The following PGM5 variants were observed in gnomAD, a reference collection of about 807,000 sequenced individuals.
PGM5 encodes phosphoglucomutase 5, also known as phosphoglucomutase-like protein 5.
PGM5 carries 23 observed loss-of-function variants against 59.2 expected under a neutral mutation model. The ratio of observed to expected loss-of-function variants is 0.39; its 90% CI spans 0.28 to 0.55. The LOEUF (loss-of-function observed/expected upper bound fraction) is 0.55. Ranked by LOEUF, PGM5 falls within the 20% of genes least tolerant of loss-of-function variation. The pLI is 0.66. For synonymous variants in PGM5, 214 were observed against 286.0 expected (o/e 0.75, Z 2.54); for missense variants, 574 against 748.3 (o/e 0.77, Z 2.72).
chr9:68,472,053 C>G (rs1191995296), intron 7 of PGM5, among the ~76,000 whole-genome samples: 1 of 151,908 alleles, frequency 6.6e-6, no homozygotes, highest in Non-Finnish European at 1.5e-5. Flanking sequence ...AGCTGGCTGG[C>G]CATGATATGG....
chr9:68,402,133 G>A (rs868978645), intron 6 of PGM5, among the ~76,000 whole-genome samples: 33 of 152,076 alleles, frequency 2.2e-4, no homozygotes, highest in African/African-American at 5.1e-4. Flanking sequence ...GTGTGGTGGC[G>A]CAGGCTTGTA....
chr9:68,447,231 C>T (rs1823625918), intron 6 of PGM5, among the ~76,000 whole-genome samples: 1 of 152,196 alleles, frequency 6.6e-6, no homozygotes, highest in South Asian at 2.1e-4. Context: ...ACTAAAATCC[C>T]ATCTCACCAC....
intron 9 of PGM5, among the ~76,000 whole-genome samples, chr9:68,485,961 G>T (rs1554687508): frequency 6.6e-6 from 1 of 152,192 alleles, no homozygotes; most frequent in Non-Finnish European, 1.5e-5. Context: ...CGTTGGTCCT[G>T]TTGGGTAGAG....
intron 6 of PGM5, among the ~76,000 whole-genome samples, chr9:68,436,596 G>C (rs1268939684): frequency 6.6e-6 from 1 of 152,172 alleles, no homozygotes; most frequent in Admixed American, 6.5e-5. Context: ...AGCATTTCCT[G>C]TATGTCTTTG....
intron 7 of PGM5, among the ~76,000 whole-genome samples, chr9:68,465,797 CCTCTATGTAAAGTA>C (rs1430357021): frequency 2.0e-4 from 31 of 151,992 alleles, no homozygotes; most frequent in Non-Finnish European, 4.4e-4. Context: ...TATGTTTATT[CCTCTATGTAAAGTA>C]CTCTGTGTAA....
chr9:68,452,402 G>A (rs868933846), intron 6 of PGM5, among the ~76,000 whole-genome samples: 1 of 152,184 alleles, frequency 6.6e-6, no homozygotes, highest in Non-Finnish European at 1.5e-5. Flanking sequence ...GAGAAGGGGG[G>A]AGGGTCAGTT....
At position 68,366,562 on chromosome 9, in the gene PGM5, G is replaced by A. The variant is rs1420286708; in HGVS notation, c.261+9174G>A. Among the ~76,000 whole-genome samples, 9 of 152,364 alleles carry A rather than the reference G, an allele frequency of 5.9e-5. No individual in the cohort carries two copies. The East Asian group carries it at 7.7e-4, about 13-fold the overall frequency. On this transcript the variant is annotated intron_variant, in intron 1 of 10. Coordinates refer to ENST00000396396, the MANE Select transcript of PGM5 (RefSeq NM_021965.4). ...AGGGGGTGTATAATGGGGAAGGAGA[G>A]TCCCTTTTCCTATCTATTCCATATA...
chr9:68,451,027 G>T (rs1039992620), intron 6 of PGM5, among the ~76,000 whole-genome samples: 1 of 152,132 alleles, frequency 6.6e-6, no homozygotes, highest in Non-Finnish European at 1.5e-5. Context: ...CTAAGGTCCT[G>T]CTGAGTTAAA....
intron 6 of PGM5, chr9:68,394,332 T>C (rs565589460): frequency 6.6e-6 from 1 of 152,254 alleles, no homozygotes; most frequent in African/African-American, 2.4e-5. Flanking sequence ...CTAGGTATGA[T>C]GACGCATGCC....
chr9:68,356,816 G>A lies in PGM5; in HGVS notation c.-312G>A, dbSNP rs1387354666. 3.2e-6 allele frequency: 1 copy of A among 308,498 alleles called. No homozygotes were observed. The highest frequency in any genetic ancestry group is 6.0e-5 in the East Asian group (1 of 16,670). The allele number at this position is 308,498 out of a possible 1,614,324, so 19.1% of individuals were successfully genotyped here. A position where few individuals can be genotyped will look rare whatever the true frequency, so the allele number is the denominator to read the frequency against. ...TGGAATCAGGCTTTTGGGACACCCC[G>A]AAAGTGAGTCCAACTTGGGGAGAAA... On this transcript the variant is annotated 5_prime_UTR_variant, in exon 1 of 11. Coordinates refer to ENST00000396396, the MANE Select transcript of PGM5 (RefSeq NM_021965.4).
chr9:68,421,579 T>A (rs1163171117), intron 6 of PGM5, among the ~76,000 whole-genome samples: 1 of 151,966 alleles, frequency 6.6e-6, no homozygotes, highest in Non-Finnish European at 1.5e-5. Flanking sequence ...TAGTCAGGCA[T>A]GGTGGTGCGT....
chr9:68,451,391 G>A (rs940699404), intron 6 of PGM5, among the ~76,000 whole-genome samples: 9 of 152,284 alleles, frequency 5.9e-5, no homozygotes, highest in Non-Finnish European at 1.2e-4. Flanking sequence ...CAGAGTGTGC[G>A]TGAGCAATAT....
rs1206565235 is a variant in PGM5 at position 68,499,045 on chromosome 9, T to C, written c.1480-182T>C. ...AACGGAAATAGAATAAAGAGACAAATGGGTAACTCTAAGTAGGTTCATCAC... is the reference window on the plus strand; with the variant it reads ...AACGGAAATAGAATAAAGAGACAAACGGGTAACTCTAAGTAGGTTCATCAC... On this transcript the variant is annotated intron_variant, in intron 9 of 10. Coordinates refer to ENST00000396396, the MANE Select transcript of PGM5 (RefSeq NM_021965.4). 5 of 618,412 alleles carry C rather than the reference T, an allele frequency of 8.1e-6. No homozygotes were observed. In the Admixed American group the frequency reaches 1.5e-4, roughly 19 times the overall value. 38.3% of individuals were successfully genotyped at this position (618,412 alleles called of 1,614,324 possible).
intron 6 of PGM5, among the ~76,000 whole-genome samples, chr9:68,421,512 G>A (rs1273371180): frequency 6.6e-6 from 1 of 152,090 alleles, no homozygotes; most frequent in African/African-American, 2.4e-5. Flanking sequence ...GAGGTCAGGA[G>A]TTCAAGACCA....
At chr9:68,443,679 G>A (rs1823565722) in intron 6 of PGM5, among the ~76,000 whole-genome samples, 1 of 152,240 alleles carries the variant, frequency 6.6e-6, no homozygotes, top group African/African-American at 2.4e-5. Context: ...ACTTGCAGCA[G>A]AAGATAGACG....
Position 68,460,967 on chromosome 9 carries a change from G to A in PGM5, c.1044-4126G>A, listed in dbSNP as rs186486171. 6.4e-4 allele frequency among the ~76,000 whole-genome samples: 98 copies of A among 152,304 alleles called. 1 individual carries two copies. The East Asian group carries it at 0.018, about 28-fold the overall frequency. ...CCATACCACGGAAGCTCCGCAGCAG[G>A]AAGGGTCACGTTGGATTGATTTCAG... On this transcript the variant is annotated intron_variant, in intron 6 of 10. Coordinates refer to ENST00000396396, the MANE Select transcript of PGM5 (RefSeq NM_021965.4).
chr9:68,451,780 T>C (rs1554684348), intron 6 of PGM5, among the ~76,000 whole-genome samples: 1 of 152,214 alleles, frequency 6.6e-6, no homozygotes, highest in African/African-American at 2.4e-5. Flanking sequence ...TAGATTCTAC[T>C]CTGCCTGAAT....
chr9:68,528,687 C>T (rs1458609400), intron 10 of PGM5, among the ~76,000 whole-genome samples: 2 of 152,214 alleles, frequency 1.3e-5, no homozygotes, highest in African/African-American at 4.8e-5. Flanking sequence ...ACATTACATT[C>T]TAGCTGGGTA....
At chr9:68,463,277 C>A (rs1823885246) in intron 6 of PGM5, among the ~76,000 whole-genome samples, 1 of 151,296 alleles carries the variant, frequency 6.6e-6, no homozygotes, top group Non-Finnish European at 1.5e-5. Context: ...TCTTCCTCTT[C>A]TTTCTCAAGA....
Sources: allele counts gnomAD v4.1 joint callset (sites outside exome capture counted in the v4.1 genomes callset), GRCh38; gene constraint gnomAD v4.1.1; transcripts MANE v1.5; gene names NCBI Gene and HGNC (gene_info 2026-07-23, HGNC 2026-07-21).